Variants in GPR137C observed in about 807,000 individuals in gnomAD.
GPR137C encodes the protein G protein-coupled receptor 137C.
Under a neutral mutation model 43.4 loss-of-function variants are expected in GPR137C, and 27 were observed. The observed-to-expected ratio is 0.62, with a 90% CI of 0.46 to 0.86. GPR137C has a LOEUF of 0.86. GPR137C is among the 40% of genes least tolerant of loss of function. The pLI, the probability that GPR137C is intolerant of heterozygous loss-of-function variation, is 0.00. For missense variants in GPR137C, 522 were observed against 534.6 expected (o/e 0.98, Z 0.23); for synonymous variants, 285 against 226.9 (o/e 1.26, Z -2.30).
At chr14:52,596,840 A>T (rs2038862303) in intron 1 of GPR137C, 1 of 444,510 alleles carries the variant, frequency 2.2e-6, no homozygotes, top group Non-Finnish European at 4.5e-6. Context: ...CCACTGTCCA[A>T]CCAGTCCCAA....
intron 3 of GPR137C, among the ~76,000 whole-genome samples, chr14:52,610,491 T>A (rs1467201887): frequency 2.0e-5 from 3 of 152,196 alleles, no homozygotes; most frequent in Non-Finnish European, 4.4e-5. Flanking sequence ...ATTACAGCAT[T>A]TTGTTATAAT....
chr14:52,553,167 G>C lies in GPR137C; in HGVS notation c.20G>C (p.Gly7Ala), dbSNP rs890409161. The C allele has an allele frequency of 7.5e-5, 88 of 1,176,542 alleles. No individual in the cohort carries two copies. In the African/African-American group the frequency reaches 1.2e-3, roughly 16 times the overall value. The allele number at this position is 1,176,542 out of a possible 1,614,324, so 72.9% of individuals were successfully genotyped here. The change falls in exon 1 of 7, where the codon GGT (glycine) becomes GCT (alanine). Residue 7 changes from glycine (G) to alanine (A), a missense_variant. This residue lies in a region of GPR137C where 437 missense variants were observed against 425.7 expected (regional missense o/e 1.03). Coordinates refer to ENST00000321662, the MANE Select transcript of GPR137C (RefSeq NM_001099652.2). MRVSVP[G>A]PAAAAAPAAG... is the part of the protein sequence containing the mutation. Reference sequence around the variant, plus strand: ...CCCCTCATGAGGGTGTCCGTGCCGGGTCCGGCGGCCGCTGCCGCCCCCGCA... The same window carrying C: ...CCCCTCATGAGGGTGTCCGTGCCGGCTCCGGCGGCCGCTGCCGCCCCCGCA...
intron 3 of GPR137C, among the ~76,000 whole-genome samples, chr14:52,607,109 G>C (rs1566619487): frequency 1.3e-5 from 2 of 152,136 alleles, no homozygotes; most frequent in Non-Finnish European, 2.9e-5. Context: ...AGTTCCTCCT[G>C]TTACTGATTT....
chr14:52,577,118 C>T (rs183006480), intron 1 of GPR137C, among the ~76,000 whole-genome samples: 4 of 122,014 alleles, frequency 3.3e-5, no homozygotes, highest in East Asian at 5.8e-4. Flanking sequence ...ACCCGGGGGG[C>T]GGAGGTTGCA....
At chr14:52,632,379 G>A in intron 4 of GPR137C, 70 bp downstream of exon 4, 2 of 1,101,816 alleles carry the variant, frequency 1.8e-6, no homozygotes, top group Non-Finnish European at 2.6e-6. Context: ...GAAGAACACT[G>A]TAGTGTTTGA....
chr14:52,553,330 C>A lies in GPR137C; in HGVS notation c.183C>A (p.Phe61Leu), dbSNP rs556422200. The change falls in exon 1 of 7, where the codon TTC (phenylalanine) becomes TTA (leucine). Residue 61 changes from phenylalanine (F) to leucine (L), a missense_variant. Transcript: ENST00000321662. The stretch of plus-strand genomic sequence containing the variant: ...ACGCCCTGCTCTACGCCGCGCTGTT[C>A]GCCTTTGCCTACCTGCAGCTGTGGC... Reference protein sequence around the residue: ...VLHALLYAALFAFAYLQLWRL... With the variant: ...VLHALLYAALLAFAYLQLWRL... The A allele has an allele frequency of 6.3e-7, 1 of 1,596,322 alleles. No individual in the cohort carries two copies. The highest frequency in any genetic ancestry group is 2.2e-5 in the East Asian group (1 of 44,468).
intron 1 of GPR137C, among the ~76,000 whole-genome samples, chr14:52,565,127 A>C (rs898468135): frequency 5.3e-5 from 8 of 152,204 alleles, no homozygotes; most frequent in Admixed American, 2.0e-4. Flanking sequence ...CTGATTTTTC[A>C]AGAGAAATCA....
chr14:52,560,792 A>G (rs761509989), intron 1 of GPR137C, among the ~76,000 whole-genome samples: 1 of 152,240 alleles, frequency 6.6e-6, no homozygotes. Flanking sequence ...TAAAATTTGT[A>G]GAAGACAGAA....
At chr14:52,555,125 G>A (rs983698361) in intron 1 of GPR137C, among the ~76,000 whole-genome samples, 2 of 152,030 alleles carry the variant, frequency 1.3e-5, no homozygotes, top group Non-Finnish European at 2.9e-5. Context: ...ACTTCTCAAC[G>A]CTGAAGCTTT....
At chr14:52,591,036 G>C (rs1371815828) in intron 1 of GPR137C, among the ~76,000 whole-genome samples, 2 of 128,054 alleles carry the variant, frequency 1.6e-5, no homozygotes, top group African/African-American at 6.0e-5. Context: ...CTGTGTCCAT[G>C]TGTTCTCATT....
rs2039000763 is a variant in GPR137C at position 52,608,042 on chromosome 14, G to C, written c.717+7701G>C. ...TTTTCCTGTAGGCAACATATAGTTAGATCATGTTTTTTAATCCATTTTGCC... is the reference window on the plus strand; with the variant it reads ...TTTTCCTGTAGGCAACATATAGTTACATCATGTTTTTTAATCCATTTTGCC... On this transcript the variant is annotated intron_variant, in intron 3 of 6. Coordinates refer to ENST00000321662, the MANE Select transcript of GPR137C (RefSeq NM_001099652.2). Among the ~76,000 whole-genome samples, 4 of 152,048 alleles carry C rather than the reference G, an allele frequency of 2.6e-5. No homozygotes were observed. The South Asian group carries it at 8.3e-4, about 31-fold the overall frequency.
At chr14:52,553,803 A>G (rs1282945949) in intron 1 of GPR137C, among the ~76,000 whole-genome samples, 1 of 152,158 alleles carries the variant, frequency 6.6e-6, no homozygotes, top group Non-Finnish European at 1.5e-5. Flanking sequence ...GGTTCGGGCT[A>G]GGGGGTGAGT....
intron 3 of GPR137C, among the ~76,000 whole-genome samples, chr14:52,623,333 G>T (rs925397801): frequency 6.6e-6 from 1 of 152,118 alleles, no homozygotes; most frequent in Non-Finnish European, 1.5e-5. Flanking sequence ...CCATCCAGCA[G>T]GCATTCAGCA....
At position 52,635,065 on chromosome 14, in the gene GPR137C, A is replaced by C; in HGVS notation, c.1240A>C (p.Asn414His). ...DTAPLLFTCS[N>H]LDLNNHHSLY... ...TGCTCCTTTGCTCTTTACTTGTAGT[A>C]ATTTAGATTTGAACAATCATCATAG... is the stretch of plus-strand genomic sequence containing the variant. Residue 414 changes from asparagine to histidine, a missense_variant, in exon 7 of 7, where the codon AAT (asparagine) becomes CAT (histidine). By Grantham distance (68) the Asn-to-His change is moderately conservative. Around this residue, in one of 3 missense-constraint regions of GPR137C, gnomAD observed 67 missense variants for 69.0 expected, o/e 0.97. Coordinates refer to ENST00000321662, the MANE Select transcript of GPR137C (RefSeq NM_001099652.2). The C allele has an allele frequency of 6.2e-7, 1 of 1,605,122 alleles. No homozygotes were observed. Among genetic ancestry groups the C allele is most frequent in the Non-Finnish European group, 8.5e-7 (1 of 1,177,198 alleles).
At chr14:52,559,874 C>T (rs1342348233) in intron 1 of GPR137C, among the ~76,000 whole-genome samples, 4 of 151,980 alleles carry the variant, frequency 2.6e-5, no homozygotes, top group African/African-American at 7.3e-5. Flanking sequence ...ATAAAAATTC[C>T]ACTTGGCAGG....
At chr14:52,607,988 A>G (rs1349622922) in intron 3 of GPR137C, among the ~76,000 whole-genome samples, 1 of 151,968 alleles carries the variant, frequency 6.6e-6, no homozygotes, top group Non-Finnish European at 1.5e-5. Context: ...CCTCACTTTC[A>G]GTGTATTGTG....
intron 1 of GPR137C, among the ~76,000 whole-genome samples, chr14:52,584,643 G>A (rs76426204): frequency 0.056 from 8,450 of 152,124 alleles, 265 homozygotes; most frequent in Middle Eastern, 0.075. Context: ...ACAGGATCTC[G>A]CCCTGTTGCC....
chr14:52,604,699 T>G (rs2038964652), intron 3 of GPR137C, among the ~76,000 whole-genome samples: 1 of 152,134 alleles, frequency 6.6e-6, no homozygotes, highest in African/African-American at 2.4e-5. Flanking sequence ...CCACCTGCCT[T>G]GGCCTCCCAA....
intron 3 of GPR137C, among the ~76,000 whole-genome samples, chr14:52,602,336 T>G (rs1278168138): frequency 6.6e-6 from 1 of 152,012 alleles, no homozygotes; most frequent in Middle Eastern, 3.4e-3. Flanking sequence ...TCTCTCTCTC[T>G]CTCCCTCTCA....
Sources: allele counts gnomAD v4.1 joint callset (sites outside exome capture counted in the v4.1 genomes callset), GRCh38; gene constraint gnomAD v4.1.1; regional missense constraint gnomAD v4.1.1; transcripts MANE v1.5; gene names NCBI Gene and HGNC (gene_info 2026-07-23, HGNC 2026-07-21).